The following CRADD variants were observed in gnomAD, a reference collection of about 807,000 sequenced individuals.
CRADD encodes CARD and death domain containing adaptor protein.
Under a neutral mutation model 15.5 loss-of-function variants are expected in CRADD, and 9 were observed. The ratio of observed to expected loss-of-function variants is 0.58; its 90% confidence interval spans 0.35 to 1.01. CRADD has a LOEUF of 1.01. CRADD is among the 50% of genes least tolerant of loss of function. CRADD has a pLI of 0.02. For synonymous variants in CRADD, 118 were observed against 107.6 expected, an observed-to-expected ratio of 1.10 and a Z score of -0.60; for missense variants, 227 against 250.3, an observed-to-expected ratio of 0.91 and a Z score of 0.63.
At position 93,680,916 on chromosome 12, in the gene CRADD, C is replaced by T. The variant is rs542039781; in HGVS notation, c.298+1844C>T. ...TTTTTTTTTTTGAGACGGAGTTTCACTCTTGTTGCCCAGGCTGGAGTGCAA... is the reference window on the plus strand; with the variant it reads ...TTTTTTTTTTTGAGACGGAGTTTCATTCTTGTTGCCCAGGCTGGAGTGCAA... On this transcript the variant is annotated intron_variant, in intron 2 of 2. Coordinates refer to ENST00000332896, the MANE Select transcript of CRADD (RefSeq NM_003805.5). 3.3e-5 allele frequency among the ~76,000 whole-genome samples: 5 copies of T among 151,554 alleles called. No individual in the cohort carries two copies. The South Asian group carries it at 1.0e-3, about 32-fold the overall frequency.
chr12:93,878,678 C>T (rs1392574670), intron 2 of CRADD, among the ~76,000 whole-genome samples: 2 of 152,164 alleles, frequency 1.3e-5, no homozygotes, highest in Non-Finnish European at 2.9e-5. Context: ...CTGGGATTGG[C>T]GATTCCCTCT....
chr12:93,734,601 T>C (rs1956530538), intron 2 of CRADD, among the ~76,000 whole-genome samples: 1 of 152,188 alleles, frequency 6.6e-6, no homozygotes, highest in Admixed American at 6.5e-5. Context: ...TTTCAATATG[T>C]TCCCGCTGCT....
At chr12:93,729,791 A>C (rs932234437) in intron 2 of CRADD, among the ~76,000 whole-genome samples, 1 of 152,026 alleles carries the variant, frequency 6.6e-6, no homozygotes, top group African/African-American at 2.4e-5. Context: ...GTCTCAAAAA[A>C]AAAAAAAAAA....
intron 2 of CRADD, among the ~76,000 whole-genome samples, chr12:93,883,710 G>A (rs1168307336): frequency 6.6e-6 from 1 of 152,198 alleles, no homozygotes; most frequent in Non-Finnish European, 1.5e-5. Flanking sequence ...GCACATGCCT[G>A]TAGTCCTAGC....
At chr12:93,840,740 A>T (rs1958037667) in intron 2 of CRADD, among the ~76,000 whole-genome samples, 1 of 151,666 alleles carries the variant, frequency 6.6e-6, no homozygotes, top group African/African-American at 2.4e-5. Context: ...CTAATTTTGT[A>T]ATTTTAGTGG....
chr12:93,678,360 G>C (rs1170150036), intron 1 of CRADD, among the ~76,000 whole-genome samples: 3 of 152,216 alleles, frequency 2.0e-5, no homozygotes, highest in African/African-American at 7.2e-5. Context: ...TGGTGGTGCA[G>C]GTCTGATGAG....
intron 2 of CRADD, among the ~76,000 whole-genome samples, chr12:93,715,651 T>C (rs1045360605): frequency 1.3e-5 from 2 of 152,310 alleles, no homozygotes; most frequent in African/African-American, 4.8e-5. Context: ...TTTTTTCATC[T>C]TTAGCATTAA....
chr12:93,772,019 A>C (rs1473436649), intron 2 of CRADD, among the ~76,000 whole-genome samples: 1 of 152,224 alleles, frequency 6.6e-6, no homozygotes, highest in Non-Finnish European at 1.5e-5. Flanking sequence ...TATTTAAATT[A>C]TCGTCTTTTG....
intron 2 of CRADD, among the ~76,000 whole-genome samples, chr12:93,748,506 T>C (rs1263913680): frequency 1.3e-5 from 2 of 152,144 alleles, no homozygotes; most frequent in African/African-American, 4.8e-5. Context: ...GGGGTTTCTC[T>C]GTGTTGGTCA....
At position 93,824,820 on chromosome 12, in the gene CRADD, TA is replaced by T. The variant is rs1401982011; in HGVS notation, c.299-25146del. Among the ~76,000 whole-genome samples, 1 of 152,094 alleles carries T rather than the reference TA, an allele frequency of 6.6e-6. No homozygotes were observed. The highest frequency in any genetic ancestry group is 1.5e-5 in the Non-Finnish European group (1 of 68,006). Reference sequence around the variant, plus strand: ...TGGAATGTGATAGCCCAGCAGGAGGTAAAAGCTGCCCCTGGACAGAGTGAAG... The same window carrying T: ...TGGAATGTGATAGCCCAGCAGGAGGTAAAGCTGCCCCTGGACAGAGTGAAG... On this transcript the variant is annotated intron_variant, in intron 2 of 2. Coordinates refer to ENST00000332896, the MANE Select transcript of CRADD (RefSeq NM_003805.5). The surrounding 1 kb of genome is among the most constrained non-coding windows in gnomAD (Gnocchi z 4.3).
At chr12:93,706,676 T>G (rs1426286388) in intron 2 of CRADD, among the ~76,000 whole-genome samples, 1 of 152,182 alleles carries the variant, frequency 6.6e-6, no homozygotes, top group African/African-American at 2.4e-5. Context: ...AGCTTTTGTT[T>G]TCATAATAAA....
At chr12:93,828,203 A>C (rs936743840) in intron 2 of CRADD, among the ~76,000 whole-genome samples, 1 of 152,216 alleles carries the variant, frequency 6.6e-6, no homozygotes, top group South Asian at 2.1e-4. Flanking sequence ...ATATATATGT[A>C]TACAAGTCCT....
At position 93,678,928 on chromosome 12, in the gene CRADD, C is replaced by T. The variant is rs760621522; in HGVS notation, c.154C>T (p.Arg52Trp). Residue 52 changes from arginine (R) to tryptophan (W), a missense_variant, in exon 2 of 3, where the codon CGG (arginine) becomes TGG (tryptophan). Coordinates refer to ENST00000332896, the MANE Select transcript of CRADD (RefSeq NM_003805.5). ...QEINAQTTGLRKTMLLLDILP... is the reference protein window; with the variant it reads ...QEINAQTTGLWKTMLLLDILP... ...AATCAATGCTCAAACCACAGGCCTC[C>T]GGAAAACAATGCTCCTGCTGGATAT... is the stretch of plus-strand genomic sequence containing the variant. 1.3e-4 allele frequency: 205 copies of T among 1,614,030 alleles called. No homozygotes were observed. Among genetic ancestry groups the T allele is most frequent in the Non-Finnish European group, 1.6e-4 (190 of 1,180,026 alleles).
intron 2 of CRADD, among the ~76,000 whole-genome samples, chr12:93,683,145 T>C (rs1240720503): frequency 6.6e-6 from 1 of 152,142 alleles, no homozygotes; most frequent in African/African-American, 2.4e-5. Context: ...CTCCCTCCAG[T>C]GCCTGAGCTA....
intron 2 of CRADD, among the ~76,000 whole-genome samples, chr12:93,711,646 G>T (rs1956076567): frequency 6.6e-6 from 1 of 151,898 alleles, no homozygotes; most frequent in South Asian, 2.1e-4. Context: ...TTTTGTACTT[G>T]CTGTTCCCTC....
chr12:93,867,488 C>CT (rs1958380943), intron 2 of CRADD, among the ~76,000 whole-genome samples: 1 of 148,472 alleles, frequency 6.7e-6, no homozygotes, highest in Non-Finnish European at 1.5e-5. Flanking sequence ...TTAATGACTA[C>CT]TTTTTTTAAG....
At chr12:93,739,647 C>G (rs547602142) in intron 2 of CRADD, among the ~76,000 whole-genome samples, 2 of 151,916 alleles carry the variant, frequency 1.3e-5, no homozygotes, top group African/African-American at 2.4e-5. Context: ...TTCAGAAAGA[C>G]AAAAAGAAAA....
rs116612072 is a variant in CRADD at position 93,730,041 on chromosome 12, C to T, written c.298+50969C>T. 4.5e-3 allele frequency among the ~76,000 whole-genome samples: 681 copies of T among 152,290 alleles called. 7 individuals carry two copies. The highest frequency in any genetic ancestry group is 0.016 in the African/African-American group (651 of 41,552). On this transcript the variant is annotated intron_variant, in intron 2 of 2. Coordinates refer to ENST00000332896, the MANE Select transcript of CRADD (RefSeq NM_003805.5). ...ATGGCCGCTGAATTCTTTACTACTACTATATCACTATCACTACTACTAGCA... is the reference window on the plus strand; with the variant it reads ...ATGGCCGCTGAATTCTTTACTACTATTATATCACTATCACTACTACTAGCA...
intron 2 of CRADD, chr12:93,859,316 T>C (rs1958300759): frequency 4.4e-6 from 2 of 456,000 alleles, no homozygotes; most frequent in Non-Finnish European, 4.4e-6. Context: ...TCTTTTGTTA[T>C]AGGGTGTTGG....
Sources: gnomAD v4.1 joint callset for allele counts (sites outside exome capture counted in the v4.1 genomes callset) on GRCh38, gnomAD v4.1.1 for gene constraint, Gnocchi (gnomAD v3.1) non-coding constraint, MANE v1.5 for transcripts, NCBI Gene and HGNC (gene_info 2026-07-23, HGNC 2026-07-21) for gene names.